Variants in CCDC102A observed in about 807,000 individuals in gnomAD.
CCDC102A encodes coiled-coil domain containing 102A.
CCDC102A carries 40 observed loss-of-function variants against 55.5 expected under a neutral mutation model. That is an observed-to-expected ratio of 0.72 (90% CI 0.56 to 0.94). CCDC102A has a LOEUF of 0.94. Ranked by LOEUF, CCDC102A falls within the 40% of genes least tolerant of loss-of-function variation. CCDC102A has a pLI of 0.00. For synonymous variants in CCDC102A, 323 were observed against 339.0 expected (o/e 0.95, Z 0.52); for missense variants, 779 against 768.6 (o/e 1.01, Z -0.16).
intron 3 of CCDC102A, among the ~76,000 whole-genome samples, chr16:57,523,318 G>C (rs1346296696): frequency 1.3e-5 from 2 of 152,168 alleles, no homozygotes; most frequent in Non-Finnish European, 2.9e-5. Context: ...GGCAGGACTG[G>C]TTCTCTGAGG....
chr16:57,529,276 C>G lies in CCDC102A; in HGVS notation c.-99G>C, dbSNP rs1350491855. The G allele has an allele frequency of 2.8e-5, 31 of 1,117,306 alleles. No homozygotes were observed. The highest frequency in any genetic ancestry group is 3.4e-5 in the Non-Finnish European group (31 of 913,302). The allele number at this position is 1,117,306 out of a possible 1,614,324, so 69.2% of individuals were successfully genotyped here. A position where few individuals can be genotyped will look rare whatever the true frequency, so the allele number is the denominator to read the frequency against. Reference sequence around the variant, plus strand: ...GCGATACAACTGTGCATGATGACGCCGTGCCCCGCTTCCCTCTGGGCCACC... The same window carrying G: ...GCGATACAACTGTGCATGATGACGCGGTGCCCCGCTTCCCTCTGGGCCACC... On this transcript the variant is annotated 5_prime_UTR_variant, in exon 2 of 9. Coordinates refer to ENST00000258214, the MANE Select transcript of CCDC102A (RefSeq NM_033212.4). The surrounding 1 kb of genome is among the most constrained non-coding windows in gnomAD (Gnocchi z 4.1).
At position 57,526,042 on chromosome 16, in the gene CCDC102A, C is replaced by T. The variant is rs780252323; in HGVS notation, c.671G>A (p.Gly224Asp). Residue 224 changes from glycine (G) to aspartate (D), a missense_variant, in exon 3 of 9, where the codon GGC (glycine) becomes GAC (aspartate). Gly to Asp is a moderately conservative substitution (Grantham distance 94). Transcript: ENST00000258214. ...CWEARSLGAG[G>D]PRGSSGRQER... The stretch of plus-strand genomic sequence containing the variant: ...CTGGCGGCCTGAGCTGCCCCGCGGG[C>T]CCCCAGCCCCCAGGCTGCGCGCCTC... The T allele has an allele frequency of 3.6e-5, 58 of 1,593,868 alleles. No individual in the cohort carries two copies. The highest frequency in any genetic ancestry group is 4.3e-5 in the Non-Finnish European group (51 of 1,172,854).
chr16:57,532,540 A>G (rs1172014272), intron 1 of CCDC102A, among the ~76,000 whole-genome samples: 1 of 152,206 alleles, frequency 6.6e-6, no homozygotes, highest in Non-Finnish European at 1.5e-5. Flanking sequence ...GGGCAGACAC[A>G]CATATGCTCA....
chr16:57,521,264 C>T (rs1424436765), intron 3 of CCDC102A, 88 bp from the exon 4 acceptor site: 5 of 1,000,930 alleles, frequency 5.0e-6, no homozygotes, highest in Non-Finnish European at 7.8e-6. Flanking sequence ...GTGCCCTCTG[C>T]ACTTGTTGAG....
rs2032140743 is a variant in CCDC102A at position 57,526,270 on chromosome 16, TGGA to T, written c.586-146_586-144del. ...CTTCTGCTGCCTGCCTCTCCATCTC[TGGA>T]GAAGGAAGACACACCCTGCTCTGGG... On this transcript the variant is annotated intron_variant, in intron 2 of 8. Transcript: ENST00000258214. The T allele has an allele frequency of 1.1e-5, 7 of 627,804 alleles. No individual in the cohort carries two copies. In the South Asian group the frequency reaches 1.2e-4, roughly 11 times the overall value. 38.9% of individuals were successfully genotyped at this position (627,804 alleles called of 1,614,324 possible).
intron 1 of CCDC102A, among the ~76,000 whole-genome samples, chr16:57,530,686 C>T (rs748736998): frequency 1.3e-5 from 2 of 152,124 alleles, no homozygotes; most frequent in Non-Finnish European, 2.9e-5. Context: ...TTCCTTGAGC[C>T]GAAGGCCTCC....
intron 5 of CCDC102A, 139 bp from the exon 6 acceptor site, chr16:57,518,416 C>T (rs1299962108): frequency 1.8e-5 from 16 of 874,996 alleles, no homozygotes; most frequent in South Asian, 1.3e-4. Flanking sequence ...TTAAGCTGGG[C>T]TCATTTCATG....
chr16:57,530,900 CCT>C (rs2032245548), intron 1 of CCDC102A, among the ~76,000 whole-genome samples: 7 of 151,928 alleles, frequency 4.6e-5, no homozygotes. Flanking sequence ...TTTCCAGTCC[CCT>C]GTGACGGTGT....
At chr16:57,522,773 G>A (rs1421463295) in intron 3 of CCDC102A, among the ~76,000 whole-genome samples, 1 of 152,146 alleles carries the variant, frequency 6.6e-6, no homozygotes, top group Non-Finnish European at 1.5e-5. Flanking sequence ...TATAACTATC[G>A]TCACTATCAT....
intron 7 of CCDC102A, among the ~76,000 whole-genome samples, chr16:57,515,847 G>A (rs566963651): frequency 8.6e-5 from 13 of 150,866 alleles, no homozygotes; most frequent in South Asian, 2.1e-4. Context: ...CTGCTCTCCC[G>A]GACACACCTA....
Position 57,529,020 on chromosome 16 carries a change from G to C in CCDC102A, c.158C>G (p.Pro53Arg). 9.1e-7 allele frequency: 1 copy of C among 1,102,502 alleles called. No individual in the cohort carries two copies. The highest frequency in any genetic ancestry group is 1.1e-6 in the Non-Finnish European group (1 of 905,030). The allele number at this position is 1,102,502 out of a possible 1,614,324, so 68.3% of individuals were successfully genotyped here. A position where few individuals can be genotyped will look rare whatever the true frequency, so the allele number is the denominator to read the frequency against. The change falls in exon 2 of 9, where the codon CCC becomes CGC. Residue 53 changes from proline to arginine, a missense_variant. Transcript: ENST00000258214. The surrounding 1 kb of genome is among the most constrained non-coding windows in gnomAD (Gnocchi z 4.1). ...PSGTPSPGPP[P>R]ALPLPPAPAL... is the part of the protein sequence containing the mutation. ...GGGCGCGGGGGGCAGGGGCAGTGCGGGCGGCGGCCCGGGCGAGGGCGTGCC... is the reference window on the plus strand; with the variant it reads ...GGGCGCGGGGGGCAGGGGCAGTGCGCGCGGCGGCCCGGGCGAGGGCGTGCC...
chr16:57,516,986 CTT>C lies in CCDC102A; in HGVS notation c.1249-525_1249-524del, dbSNP rs2031966237. Among the ~76,000 whole-genome samples, 1 of 152,158 alleles carries C rather than the reference CTT, an allele frequency of 6.6e-6. No homozygotes were observed. Among genetic ancestry groups the C allele is most frequent in the African/African-American group, 2.4e-5 (1 of 41,436 alleles). On this transcript the variant is annotated intron_variant, in intron 6 of 8. Transcript: ENST00000258214. The surrounding 1 kb of genome is among the most constrained non-coding windows in gnomAD (Gnocchi z 4.4). ...GGGAATAGGCATTGCCTAAAGGTCT[CTT>C]GAGTCCATCCTTTTTGTTCCATCTC...
Position 57,515,332 on chromosome 16 carries a change from G to A in CCDC102A, c.1523+9C>T, listed in dbSNP as rs770627574. 9.0e-6 allele frequency: 14 copies of A among 1,547,074 alleles called. No homozygotes were observed. In the East Asian group the frequency reaches 1.4e-4, roughly 15 times the overall value. On this transcript the variant is annotated intron_variant, in intron 8 of 8. Transcript: ENST00000258214. ...TCTGCCCTGTTTCTGTTCCCTGCCC[G>A]GGGCCCACCTGGACTGCAGGTGCTC...
At chr16:57,531,832 T>C (rs1226150429) in intron 1 of CCDC102A, among the ~76,000 whole-genome samples, 5 of 152,220 alleles carry the variant, frequency 3.3e-5, no homozygotes, top group Admixed American at 2.6e-4. Flanking sequence ...ACGCCAACCC[T>C]GTTCCCTCCA....
intron 8 of CCDC102A, among the ~76,000 whole-genome samples, chr16:57,513,827 A>C (rs183141561): frequency 2.0e-5 from 3 of 152,338 alleles, no homozygotes; most frequent in Non-Finnish European, 4.4e-5. Context: ...GGGGAAATCG[A>C]GGCTCAGTTT....
chr16:57,533,325 C>G (rs1376383876), intron 1 of CCDC102A, among the ~76,000 whole-genome samples: 1 of 152,008 alleles, frequency 6.6e-6, no homozygotes, highest in Non-Finnish European at 1.5e-5. Context: ...TCTGGAGAAG[C>G]CCACCCCGCC....
rs1241078609 is a variant in CCDC102A at position 57,516,147 on chromosome 16, C to T, written c.1419+146G>A. 1.4e-6 allele frequency: 1 copy of T among 716,314 alleles called. No homozygotes were observed. The highest frequency in any genetic ancestry group is 1.8e-5 in the African/African-American group (1 of 56,240). The allele number at this position is 716,314 out of a possible 1,614,324, so 44.4% of individuals were successfully genotyped here. Reference sequence around the variant, plus strand: ...ATCCTGCCATCCATTCATCACGCACCTACCCACTCTATCCTGGGCGACTCC... The same window carrying T: ...ATCCTGCCATCCATTCATCACGCACTTACCCACTCTATCCTGGGCGACTCC... On this transcript the variant is annotated intron_variant, in intron 7 of 8. Coordinates refer to ENST00000258214, the MANE Select transcript of CCDC102A (RefSeq NM_033212.4). This position sits in a 1 kb window ranked among gnomAD's most constrained non-coding sequence, Gnocchi z 4.4.
At position 57,529,300 on chromosome 16, in the gene CCDC102A, C is replaced by A. The variant is rs2032208577; in HGVS notation, c.-123G>T. On this transcript the variant is annotated 5_prime_UTR_variant, in exon 2 of 9. Coordinates refer to ENST00000258214, the MANE Select transcript of CCDC102A (RefSeq NM_033212.4). The surrounding 1 kb of genome is among the most constrained non-coding windows in gnomAD (Gnocchi z 4.1). Reference sequence around the variant, plus strand: ...CCGTGCCCCGCTTCCCTCTGGGCCACCGGGCGGAGGACGCCTCCTCGGACC... The same window carrying A: ...CCGTGCCCCGCTTCCCTCTGGGCCAACGGGCGGAGGACGCCTCCTCGGACC... 8.9e-7 allele frequency: 1 copy of A among 1,117,436 alleles called. No individual in the cohort carries two copies. The highest frequency in any genetic ancestry group is 5.0e-5 in the Admixed American group (1 of 20,018). The allele number at this position is 1,117,436 out of a possible 1,614,324, so 69.2% of individuals were successfully genotyped here. A position where few individuals can be genotyped will look rare whatever the true frequency, so the allele number is the denominator to read the frequency against.
At chr16:57,532,698 GACACACACACACAC>G (rs10535195) in intron 1 of CCDC102A, among the ~76,000 whole-genome samples, 302 of 148,282 alleles carry the variant, frequency 2.0e-3, no homozygotes, top group Admixed American at 9.4e-3. Flanking sequence ...AAGTGAAGCA[GACACACACACACAC>G]ACACACACAC....
Sources: gnomAD v4.1 joint callset for allele counts (sites outside exome capture counted in the v4.1 genomes callset) on GRCh38, gnomAD v4.1.1 for gene constraint, Gnocchi (gnomAD v3.1) non-coding constraint, MANE v1.5 for transcripts, NCBI Gene and HGNC (gene_info 2026-07-23, HGNC 2026-07-21) for gene names.